Variants in ZMAT4 observed in about 807,000 individuals in gnomAD.
The protein encoded by ZMAT4 is zinc finger matrin-type 4.
A neutral mutation model predicts 28.7 loss-of-function variants in ZMAT4; 17 were observed. That is an observed-to-expected ratio of 0.59 (90% CI 0.41 to 0.89). The LOEUF (loss-of-function observed/expected upper bound fraction) is 0.89. Among genes scored for constraint, ZMAT4 ranks in the 40% least tolerant of loss-of-function variants. The pLI is 0.00. For synonymous variants in ZMAT4, 117 were observed against 109.2 expected (o/e 1.07, Z -0.44); for missense variants, 240 against 283.8 (o/e 0.85, Z 1.11).
intron 1 of ZMAT4, among the ~76,000 whole-genome samples, chr8:40,836,402 T>C (rs1296777565): frequency 6.6e-6 from 1 of 152,182 alleles, no homozygotes; most frequent in Non-Finnish European, 1.5e-5. Context: ...ACTGCACTCC[T>C]AATTTCAGGC....
chr8:40,671,059 T>C (rs1173178549), intron 5 of ZMAT4, among the ~76,000 whole-genome samples: 1 of 119,528 alleles, frequency 8.4e-6, no homozygotes, highest in Admixed American at 8.8e-5. Context: ...AGAGCAAGAC[T>C]CCATCTCAAA....
intron 3 of ZMAT4, among the ~76,000 whole-genome samples, chr8:40,753,567 A>G (rs1812547771): frequency 6.6e-6 from 1 of 152,234 alleles, no homozygotes; most frequent in Non-Finnish European, 1.5e-5. Flanking sequence ...TAAGTTCTGT[A>G]AACAGAAACT....
At chr8:40,639,315 G>A (rs754890671) in intron 5 of ZMAT4, among the ~76,000 whole-genome samples, 3 of 152,150 alleles carry the variant, frequency 2.0e-5, no homozygotes, top group Non-Finnish European at 4.4e-5. Flanking sequence ...GTTTTTGAAT[G>A]AGATTGGAGA....
intron 1 of ZMAT4, among the ~76,000 whole-genome samples, chr8:40,832,041 G>T (rs1345075334): frequency 1.3e-5 from 2 of 152,158 alleles, no homozygotes. Flanking sequence ...GCTCCTAAGG[G>T]GCGCTCAGTT....
chr8:40,741,100 A>G (rs1028773801), intron 3 of ZMAT4, among the ~76,000 whole-genome samples: 2 of 152,180 alleles, frequency 1.3e-5, no homozygotes, highest in African/African-American at 4.8e-5. Flanking sequence ...GTAAAAGTCA[A>G]TAATTAAAGA....
At chr8:40,662,884 T>C (rs1808261030) in intron 5 of ZMAT4, among the ~76,000 whole-genome samples, 1 of 152,184 alleles carries the variant, frequency 6.6e-6, no homozygotes, top group Admixed American at 6.5e-5. Context: ...CCAAGAAATA[T>C]ATCTTTCACT....
At chr8:40,647,318 A>G (rs1467664221) in intron 5 of ZMAT4, among the ~76,000 whole-genome samples, 1 of 152,236 alleles carries the variant, frequency 6.6e-6, no homozygotes, top group Non-Finnish European at 1.5e-5. Context: ...GGTGACAGAC[A>G]GCACCTGGAA....
chr8:40,610,858 G>T (rs1239330927), intron 5 of ZMAT4, among the ~76,000 whole-genome samples: 1 of 151,388 alleles, frequency 6.6e-6, no homozygotes, highest in Non-Finnish European at 1.5e-5. Context: ...AAAAAAAAAG[G>T]CTATATGTGA....
rs550371513 is a variant in ZMAT4 at position 40,688,501 on chromosome 8, T to C, written c.349+8744A>G. On this transcript the variant is annotated intron_variant, in intron 4 of 6. Coordinates refer to ENST00000297737, the MANE Select transcript of ZMAT4 (RefSeq NM_024645.3). ...AAACAAAATAAAATAAAATAAACTT[T>C]GTTGGGCCCCTTTAATCTCCCATTT... Among the ~76,000 whole-genome samples the C allele has an allele frequency of 7.9e-5, 12 of 152,132 alleles. No individual in the cohort carries two copies. In the East Asian group the frequency reaches 1.9e-3, roughly 25 times the overall value.
intron 6 of ZMAT4, among the ~76,000 whole-genome samples, chr8:40,545,788 G>A (rs780330271): frequency 2.0e-5 from 3 of 150,808 alleles, no homozygotes; most frequent in Non-Finnish European, 2.9e-5. Context: ...TGTTGTTTAC[G>A]TCACTCATTT....
intron 5 of ZMAT4, among the ~76,000 whole-genome samples, chr8:40,597,767 C>T (rs1177597410): frequency 6.6e-6 from 1 of 152,068 alleles, no homozygotes; most frequent in Non-Finnish European, 1.5e-5. Flanking sequence ...AATAGATGAA[C>T]AAATGAAATT....
intron 2 of ZMAT4, among the ~76,000 whole-genome samples, chr8:40,788,656 A>G (rs955122044): frequency 1.3e-5 from 2 of 152,086 alleles, no homozygotes; most frequent in African/African-American, 2.4e-5. Flanking sequence ...AACATTAACA[A>G]AAAAAACACC....
At chr8:40,814,366 G>C (rs1252748368) in intron 2 of ZMAT4, among the ~76,000 whole-genome samples, 2 of 152,290 alleles carry the variant, frequency 1.3e-5, no homozygotes, top group East Asian at 3.9e-4. Context: ...GAATTACTTG[G>C]GGGTCAGGAA....
chr8:40,880,893 C>T (rs188943517), intron 1 of ZMAT4, among the ~76,000 whole-genome samples: 166 of 152,236 alleles, frequency 1.1e-3, no homozygotes, highest in African/African-American at 2.6e-3. Context: ...ACGCTTGTGC[C>T]GAGATTCACA....
chr8:40,788,852 C>T (rs1180226456), intron 2 of ZMAT4, among the ~76,000 whole-genome samples: 1 of 151,040 alleles, frequency 6.6e-6, no homozygotes, highest in African/African-American at 2.4e-5. Context: ...AATATAAGGA[C>T]ATATACAATG....
chr8:40,565,832 C>T (rs1803905232), intron 6 of ZMAT4, among the ~76,000 whole-genome samples: 1 of 150,874 alleles, frequency 6.6e-6, no homozygotes, highest in Non-Finnish European at 1.5e-5. Context: ...GGAAGAACTG[C>T]AGGTCCATGT....
intron 2 of ZMAT4, among the ~76,000 whole-genome samples, chr8:40,819,417 C>A (rs546112227): frequency 2.4e-4 from 36 of 152,264 alleles, no homozygotes; most frequent in Non-Finnish European, 1.5e-4. Context: ...GGTGCAGACA[C>A]CTAGGCCTTC....
At chr8:40,674,103 TTAA>T (rs1808803513) in intron 5 of ZMAT4, among the ~76,000 whole-genome samples, 390 of 125,648 alleles carry the variant, frequency 3.1e-3, no homozygotes, top group Middle Eastern at 5.3e-3. Context: ...TTTTTTTTTT[TTAA>T]ATTTTTGAGA....
chr8:40,764,967 G>T (rs1026198288), intron 3 of ZMAT4, among the ~76,000 whole-genome samples: 2 of 151,726 alleles, frequency 1.3e-5, no homozygotes, highest in African/African-American at 2.4e-5. Flanking sequence ...GAGGAGCGGG[G>T]TCTATAGGTA....
Sources: allele counts gnomAD v4.1 joint callset (sites outside exome capture counted in the v4.1 genomes callset), GRCh38; gene constraint gnomAD v4.1.1; transcripts MANE v1.5; gene names NCBI Gene and HGNC (gene_info 2026-07-23, HGNC 2026-07-21).